SLIT3: variants seen among roughly 807,000 people sequenced by gnomAD.
The protein encoded by SLIT3 is slit homolog 3 protein.
SLIT3 carries 68 observed loss-of-function variants against 184.0 expected under a neutral mutation model. The ratio of observed to expected loss-of-function variants is 0.37; its 90% confidence interval spans 0.30 to 0.45. The LOEUF is 0.45. SLIT3 is among the 20% of genes least tolerant of loss of function. The pLI, the probability that SLIT3 is intolerant of heterozygous loss-of-function variation, is 1.00. For missense variants in SLIT3, 1,707 were observed against 2,026.0 expected (o/e 0.84, Z 3.02); for synonymous variants, 831 against 828.6 (o/e 1.00, Z -0.05).
At chr5:169,143,862 G>T (rs1301481565) in intron 4 of SLIT3, among the ~76,000 whole-genome samples, 2 of 152,144 alleles carry the variant, frequency 1.3e-5, no homozygotes, top group Non-Finnish European at 2.9e-5. Flanking sequence ...ATATATCAGG[G>T]AGAGAGAAAG....
chr5:168,931,046 A>G (rs1581220990), intron 4 of SLIT3, among the ~76,000 whole-genome samples: 1 of 152,260 alleles, frequency 6.6e-6, no homozygotes, highest in South Asian at 2.1e-4. Context: ...ACCTGCTGAC[A>G]GCCAGCCCGG....
intron 1 of SLIT3, among the ~76,000 whole-genome samples, chr5:169,287,182 G>C (rs569386035): frequency 6.6e-6 from 1 of 152,300 alleles, no homozygotes; most frequent in South Asian, 2.1e-4. Context: ...TGAAGCAACT[G>C]GCCTTCCCAT....
At chr5:168,884,549 G>GACATATATATATATATATATAT (rs1260481453) in intron 4 of SLIT3, among the ~76,000 whole-genome samples, 2 of 41,138 alleles carry the variant, frequency 4.9e-5, no homozygotes, top group African/African-American at 2.2e-4. Context: ...CCAATTACGA[G>GACATATATATATATATATATAT]ATATATATAT....
At chr5:168,786,510 C>G (rs535557122) in intron 11 of SLIT3, among the ~76,000 whole-genome samples, 14 of 152,286 alleles carry the variant, frequency 9.2e-5, no homozygotes, top group South Asian at 2.1e-4. Context: ...CAAGGACTGG[C>G]TCTCGGGAAA....
At chr5:169,147,331 C>A (rs12108865) in intron 4 of SLIT3, among the ~76,000 whole-genome samples, 4 of 152,196 alleles carry the variant, frequency 2.6e-5, no homozygotes, top group Non-Finnish European at 4.4e-5. Flanking sequence ...TGCAATGGCA[C>A]GATATCAGCT....
At chr5:169,287,674 A>AC (rs1036956538) in intron 1 of SLIT3, among the ~76,000 whole-genome samples, 10 of 152,196 alleles carry the variant, frequency 6.6e-5, no homozygotes, top group Non-Finnish European at 1.5e-4. Context: ...GAGGAACAGA[A>AC]CCAAGTTCTG....
intron 16 of SLIT3, among the ~76,000 whole-genome samples, chr5:168,755,449 T>TTTCTTTG (rs1754907337): frequency 1.2e-5 from 1 of 85,026 alleles, no homozygotes; most frequent in East Asian, 4.2e-4. Flanking sequence ...TTCTTTCTTT[T>TTTCTTTG]TGAGACAGAA....
intron 4 of SLIT3, among the ~76,000 whole-genome samples, chr5:168,908,312 G>A (rs1399117873): frequency 2.6e-5 from 4 of 152,016 alleles, no homozygotes; most frequent in African/African-American, 7.3e-5. Context: ...CACCTGGGTC[G>A]TCCTGACCTT....
chr5:169,088,543 G>C (rs975451270), intron 4 of SLIT3, among the ~76,000 whole-genome samples: 1 of 152,114 alleles, frequency 6.6e-6, no homozygotes, highest in African/African-American at 2.4e-5. Context: ...TTTACAACTA[G>C]TCCAGGAGTG....
chr5:169,237,078 G>C (rs1371663001), intron 3 of SLIT3, among the ~76,000 whole-genome samples: 4 of 152,134 alleles, frequency 2.6e-5, no homozygotes, highest in Non-Finnish European at 4.4e-5. Context: ...TTACCAACTA[G>C]AGTACAGTTC....
At chr5:168,724,513 GAGAA>G (rs749892578) in intron 20 of SLIT3, 29 bp from the exon 21 acceptor site, 2 of 1,586,954 alleles carry the variant, frequency 1.3e-6, no homozygotes, top group Admixed American at 3.4e-5. Flanking sequence ...GACAACACCT[GAGAA>G]AGAGACACTG....
intron 4 of SLIT3, among the ~76,000 whole-genome samples, chr5:169,104,832 A>G (rs1451980884): frequency 6.6e-6 from 1 of 152,204 alleles, no homozygotes; most frequent in African/African-American, 2.4e-5. Context: ...AAAGAAAACC[A>G]CAGAGATTTA....
intron 1 of SLIT3, among the ~76,000 whole-genome samples, chr5:169,294,829 T>C (rs1436875817): frequency 6.6e-6 from 1 of 152,214 alleles, no homozygotes; most frequent in African/African-American, 2.4e-5. Context: ...GCTCCAAACC[T>C]GCATAGCATG....
intron 4 of SLIT3, among the ~76,000 whole-genome samples, chr5:168,961,854 A>ATG (rs1763019850): frequency 1.6e-5 from 2 of 127,220 alleles, no homozygotes; most frequent in African/African-American, 6.8e-5. Context: ...GCATGCATGC[A>ATG]CGCATGTGTG....
At chr5:169,187,117 T>TTTTTTTTG (rs1763374890) in intron 4 of SLIT3, among the ~76,000 whole-genome samples, 2 of 139,558 alleles carry the variant, frequency 1.4e-5, no homozygotes, top group South Asian at 2.4e-4. Flanking sequence ...ATAGGTTTTT[T>TTTTTTTTG]TTTTTTTTTT....
intron 3 of SLIT3, among the ~76,000 whole-genome samples, chr5:169,226,863 G>A (rs940621035): frequency 1.3e-5 from 2 of 152,146 alleles, no homozygotes; most frequent in Non-Finnish European, 2.9e-5. Flanking sequence ...GTTTTACAAT[G>A]TGGGACACTG....
At chr5:168,805,297 G>T (rs1050367401) in intron 9 of SLIT3, among the ~76,000 whole-genome samples, 1 of 152,014 alleles carries the variant, frequency 6.6e-6, no homozygotes, top group African/African-American at 2.4e-5. Context: ...GAACAGAAGG[G>T]CACACACAGG....
intron 20 of SLIT3, among the ~76,000 whole-genome samples, chr5:168,734,688 G>A (rs1561900449): frequency 6.6e-6 from 1 of 152,112 alleles, no homozygotes; most frequent in African/African-American, 2.4e-5. Context: ...CCAAAGCATT[G>A]GCTGTCTTTT....
At chr5:168,777,864 C>T (rs1448715216) in intron 12 of SLIT3, among the ~76,000 whole-genome samples, 1 of 152,332 alleles carries the variant, frequency 6.6e-6, no homozygotes. Flanking sequence ...AGGCTGGCAG[C>T]TAGTCAACTC....
Sources: gnomAD v4.1 joint callset for allele counts (sites outside exome capture counted in the v4.1 genomes callset) on GRCh38, gnomAD v4.1.1 for gene constraint, MANE v1.5 for transcripts, NCBI Gene and HGNC (gene_info 2026-07-23, HGNC 2026-07-21) for gene names.